ATF7: variants seen among roughly 807,000 people sequenced by gnomAD.
ATF7 encodes the protein activating transcription factor 7.
Under a neutral mutation model 50.4 loss-of-function variants are expected in ATF7, and 10 were observed. The observed-to-expected ratio is 0.20, with a 90% CI of 0.12 to 0.34. The LOEUF (loss-of-function observed/expected upper bound fraction) is 0.34. ATF7 is among the 10% of genes least tolerant of loss of function. The probability of loss-of-function intolerance (pLI) is 1.00; values close to 1 mark genes in which losing one functional copy is unlikely to be tolerated. For missense variants in ATF7, 465 were observed against 613.9 expected, an observed-to-expected ratio of 0.76 and a Z score of 2.56; for synonymous variants, 201 against 226.4, an observed-to-expected ratio of 0.89 and a Z score of 1.01.
At chr12:53,587,468 G>A (rs1473772278) in intron 2 of ATF7, among the ~76,000 whole-genome samples, 1 of 150,670 alleles carries the variant, frequency 6.6e-6, no homozygotes, top group Non-Finnish European at 1.5e-5. Flanking sequence ...GAGGTCAGGT[G>A]TTCAAGACCA....
chr12:53,544,564 T>C (rs1939769314), intron 3 of ATF7, among the ~76,000 whole-genome samples: 1 of 152,042 alleles, frequency 6.6e-6, no homozygotes, highest in Non-Finnish European at 1.5e-5. Context: ...CTGGCCAACA[T>C]GGTGAAACTC....
chr12:53,618,374 G>A (rs1944229479), intron 1 of ATF7, among the ~76,000 whole-genome samples: 1 of 152,168 alleles, frequency 6.6e-6, no homozygotes, highest in African/African-American at 2.4e-5. Flanking sequence ...AAAAGAAAAT[G>A]CATTGTTTCC....
intron 2 of ATF7, among the ~76,000 whole-genome samples, chr12:53,560,720 A>G (rs994438822): frequency 6.6e-6 from 1 of 152,186 alleles, no homozygotes; most frequent in African/African-American, 2.4e-5. Flanking sequence ...CTGGGGTAAG[A>G]AGACAATCAG....
At chr12:53,523,513 G>T in intron 10 of ATF7, 129 bp from the exon 11 acceptor site, 1 of 678,090 alleles carries the variant, frequency 1.5e-6, no homozygotes, top group Non-Finnish European at 2.6e-6. Flanking sequence ...CAAGACTCCT[G>T]ATCCAGCAAG....
At chr12:53,535,446 C>T (rs968778130) in intron 5 of ATF7, among the ~76,000 whole-genome samples, 1 of 151,816 alleles carries the variant, frequency 6.6e-6, no homozygotes, top group African/African-American at 2.4e-5. Context: ...TATAGATGCT[C>T]TATCCATAGT....
intron 3 of ATF7, among the ~76,000 whole-genome samples, chr12:53,545,832 A>T (rs1592835915): frequency 2.0e-5 from 3 of 151,888 alleles, no homozygotes; most frequent in Non-Finnish European, 1.5e-5. Flanking sequence ...AGGCAGGCGG[A>T]TCCCCCCTTG....
At chr12:53,537,353 AT>A in intron 5 of ATF7, 61 bp downstream of exon 5, 1 of 1,589,488 alleles carries the variant, frequency 6.3e-7, no homozygotes, top group Non-Finnish European at 8.6e-7. Context: ...TACTATTTAT[AT>A]AATTAATGAA....
At chr12:53,534,451 T>C (rs1592807629) in intron 6 of ATF7, 51 bp downstream of exon 6, 1 of 1,605,902 alleles carries the variant, frequency 6.2e-7, no homozygotes, top group African/African-American at 1.3e-5. Flanking sequence ...TAGTTTCATG[T>C]AATGGAAAGA....
intron 3 of ATF7, among the ~76,000 whole-genome samples, chr12:53,544,619 G>A (rs1592832946): frequency 6.6e-6 from 1 of 152,056 alleles, no homozygotes; most frequent in Non-Finnish European, 1.5e-5. Context: ...ATAGTGGCAG[G>A]TGCCTGTAGT....
Position 53,524,713 on chromosome 12 carries a change from T to C in ATF7, c.976A>G (p.Thr326Ala), listed in dbSNP as rs1565919438. Residue 326 changes from threonine to alanine, a missense_variant, in exon 10 of 12, where the codon ACA becomes GCA. Coordinates refer to ENST00000420353, the MANE Select transcript of ATF7 (RefSeq NM_006856.3). This position sits in a 1 kb window ranked among gnomAD's most constrained non-coding sequence, Gnocchi z 4.6. Reference protein sequence around the residue: ...TPSTGGRRRRTVDEDPDERRQ... With the variant: ...TPSTGGRRRRAVDEDPDERRQ... Reference sequence around the variant, plus strand: ...CGCTCATCTGGATCTTCATCTACTGTGCGCCGCCGTCGCCCCCCAGTACTA... The same window carrying C: ...CGCTCATCTGGATCTTCATCTACTGCGCGCCGCCGTCGCCCCCCAGTACTA... 1 of 1,612,818 alleles carries C rather than the reference T, an allele frequency of 6.2e-7. No homozygotes were observed. The highest frequency in any genetic ancestry group is 1.7e-5 in the Admixed American group (1 of 59,940).
At chr12:53,579,674 G>A (rs1213012289) in intron 2 of ATF7, among the ~76,000 whole-genome samples, 3 of 152,004 alleles carry the variant, frequency 2.0e-5, no homozygotes, top group Non-Finnish European at 4.4e-5. Flanking sequence ...TTATGACAAA[G>A]CAGTCTGCAG....
intron 2 of ATF7, among the ~76,000 whole-genome samples, chr12:53,573,968 C>T (rs1317476787): frequency 3.3e-5 from 5 of 152,150 alleles, no homozygotes; most frequent in Non-Finnish European, 7.4e-5. Flanking sequence ...TTCCAGTTCC[C>T]CTCCCTGTCA....
At chr12:53,520,369 G>A (rs79788313) in intron 11 of ATF7, among the ~76,000 whole-genome samples, 10,141 of 152,092 alleles carry the variant, frequency 0.067, 501 homozygotes, top group East Asian at 0.19. Flanking sequence ...TTAAGTCCTG[G>A]AGTCTGAGAC....
intron 4 of ATF7, among the ~76,000 whole-genome samples, chr12:53,540,993 G>A (rs2137426324): frequency 6.6e-6 from 1 of 152,228 alleles, no homozygotes; most frequent in East Asian, 1.9e-4. Flanking sequence ...GCCTCCCTAA[G>A]CACTGGGATT....
At chr12:53,540,586 C>T (rs989994337) in intron 4 of ATF7, among the ~76,000 whole-genome samples, 1 of 151,544 alleles carries the variant, frequency 6.6e-6, no homozygotes, top group African/African-American at 2.4e-5. Flanking sequence ...ATTAGCCAGG[C>T]GTCGTGGCAT....
chr12:53,586,679 T>A (rs969779838), intron 2 of ATF7, among the ~76,000 whole-genome samples: 1 of 152,254 alleles, frequency 6.6e-6, no homozygotes, highest in Non-Finnish European at 1.5e-5. Context: ...GTCTCTCTGA[T>A]AACTTCTCAG....
intron 2 of ATF7, among the ~76,000 whole-genome samples, chr12:53,594,625 C>T (rs543143926): frequency 1.3e-5 from 2 of 152,292 alleles, no homozygotes; most frequent in East Asian, 1.9e-4. Context: ...CGGTGGCTTA[C>T]GCCTGTAATC....
At chr12:53,568,362 A>C (rs1391670797) in intron 2 of ATF7, among the ~76,000 whole-genome samples, 1 of 152,146 alleles carries the variant, frequency 6.6e-6, no homozygotes, top group Non-Finnish European at 1.5e-5. Context: ...AACCGTCTCT[A>C]AACTTGGTTC....
rs527798705 is a variant in ATF7 at position 53,533,681 on chromosome 12, T to G, written c.561-422A>C. Among the ~76,000 whole-genome samples the G allele has an allele frequency of 2.0e-5, 3 of 152,288 alleles. No homozygotes were observed. In the South Asian group the frequency reaches 6.2e-4, roughly 32 times the overall value. On this transcript the variant is annotated intron_variant, in intron 6 of 11. Coordinates refer to ENST00000420353, the MANE Select transcript of ATF7 (RefSeq NM_006856.3). ...TGCTCTACCCTGCCTCAAAAAGAAG[T>G]TGTCCCTTTTTATTTTTCCTAGTGG... is the stretch of plus-strand genomic sequence containing the variant.
Sources: gnomAD v4.1 joint callset for allele counts (sites outside exome capture counted in the v4.1 genomes callset) on GRCh38, gnomAD v4.1.1 for gene constraint, Gnocchi (gnomAD v3.1) non-coding constraint, MANE v1.5 for transcripts, NCBI Gene and HGNC (gene_info 2026-07-23, HGNC 2026-07-21) for gene names.